The following CD96 variants were observed in gnomAD, a reference collection of about 807,000 sequenced individuals.
CD96 encodes T-cell surface protein tactile.
In CD96, 70 loss-of-function variants were observed where a neutral mutation model predicts 71.3. The observed-to-expected ratio is 0.98, with a 90% confidence interval of 0.81 to 1.20. CD96 has a LOEUF of 1.20. Among genes scored for constraint, CD96 ranks in the 50% most tolerant of loss-of-function variants. The pLI, the probability that CD96 is intolerant of heterozygous loss-of-function variation, is 0.00. For missense variants in CD96, 742 were observed against 677.5 expected, an observed-to-expected ratio of 1.10 and a Z score of -1.06; for synonymous variants, 248 against 233.0, an observed-to-expected ratio of 1.06 and a Z score of -0.59.
chr3:111,579,632 G>A (rs1289203605), intron 4 of CD96, among the ~76,000 whole-genome samples: 1 of 152,134 alleles, frequency 6.6e-6, no homozygotes, highest in Non-Finnish European at 1.5e-5. Flanking sequence ...TCCCAAGGTG[G>A]CACACGGTAT....
At chr3:111,641,604 A>G (rs1247042146) in intron 12 of CD96, among the ~76,000 whole-genome samples, 1 of 152,254 alleles carries the variant, frequency 6.6e-6, no homozygotes, top group Non-Finnish European at 1.5e-5. Context: ...ACCAAAAATC[A>G]ACAAAGAAAC....
chr3:111,551,614 A>C (rs1247775842), intron 2 of CD96, among the ~76,000 whole-genome samples: 2 of 152,058 alleles, frequency 1.3e-5, no homozygotes, highest in Non-Finnish European at 2.9e-5. Context: ...GGTTTGTTAT[A>C]TAGGTAAATG....
chr3:111,619,909 T>C (rs1232501869), intron 8 of CD96, among the ~76,000 whole-genome samples: 1 of 152,214 alleles, frequency 6.6e-6, no homozygotes. Context: ...CCTGCTGCTT[T>C]TGTCTTGGAT....
At chr3:111,573,167 A>G (rs1936065069) in intron 3 of CD96, among the ~76,000 whole-genome samples, 1 of 152,208 alleles carries the variant, frequency 6.6e-6, no homozygotes, top group South Asian at 2.1e-4. Flanking sequence ...ATTGGGACAT[A>G]AGCATATAGT....
intron 2 of CD96, among the ~76,000 whole-genome samples, chr3:111,553,787 T>A (rs374987078): frequency 6.6e-6 from 1 of 152,018 alleles, no homozygotes; most frequent in East Asian, 1.9e-4. Context: ...GTATCATGAA[T>A]TTATATGAAC....
rs143090155 is a variant in CD96 at position 111,591,008 on chromosome 3, T to C, written c.807+5630T>C. 5.0e-3 allele frequency among the ~76,000 whole-genome samples: 757 copies of C among 152,228 alleles called. 9 individuals are homozygous for C. Among genetic ancestry groups the C allele is most frequent in the African/African-American group, 0.017 (717 of 41,540 alleles). On this transcript the variant is annotated intron_variant, in intron 5 of 13. Transcript: ENST00000352690. ...AAAGAAAATTATCTGTCATGAAACA[T>C]AGGAAACAAAAGCAGTTTGGGGTTA... is the stretch of plus-strand genomic sequence containing the variant.
chr3:111,569,745 G>A (rs143542240), intron 3 of CD96, among the ~76,000 whole-genome samples: 154 of 152,226 alleles, frequency 1.0e-3, no homozygotes, highest in African/African-American at 3.5e-3. Context: ...ATGTGAGTCT[G>A]AGCTTCTCCT....
chr3:111,616,043 A>G (rs1938217494), intron 8 of CD96, among the ~76,000 whole-genome samples: 1 of 152,018 alleles, frequency 6.6e-6, no homozygotes, highest in Non-Finnish European at 1.5e-5. Flanking sequence ...CATGACCATC[A>G]TATTTTAAAT....
rs148178826 is a variant in CD96, at chr3:111,658,221, A to G, written c.*53-7306A>G. On this transcript the variant is annotated intron_variant and NMD_transcript_variant, in intron 14 of 14. Coordinates refer to the CD96 transcript ENST00000494798. ...GTCAGTTTGAAAGGACTCCCACTGT[A>G]TACATCTAGGAAAATTTGACTATCG... Among the ~76,000 whole-genome samples, 43 of 152,318 alleles carry G rather than the reference A, an allele frequency of 2.8e-4. 1 individual carries two copies. In the East Asian group the frequency reaches 7.7e-3, roughly 27 times the overall value.
intron 2 of CD96, among the ~76,000 whole-genome samples, chr3:111,565,690 G>A (rs1015508490): frequency 1.3e-5 from 2 of 151,900 alleles, no homozygotes; most frequent in Admixed American, 6.6e-5. Context: ...TTCTCCTTAA[G>A]GGACAGGGGT....
At chr3:111,594,232 T>C in intron 5 of CD96, 1 of 1,528,902 alleles carries the variant, frequency 6.5e-7, no homozygotes, top group South Asian at 1.3e-5. Flanking sequence ...CTTTATGATG[T>C]GCTTAGATGT....
At chr3:111,551,297 G>T (rs76144788) in intron 2 of CD96, among the ~76,000 whole-genome samples, 1,908 of 152,190 alleles carry the variant, frequency 0.013, 40 homozygotes, top group African/African-American at 0.042. Context: ...GATGACAGTG[G>T]GAAGAACTGA....
intron 5 of CD96, among the ~76,000 whole-genome samples, chr3:111,589,462 A>G (rs1936872469): frequency 1.3e-5 from 2 of 152,222 alleles, no homozygotes; most frequent in Non-Finnish European, 2.9e-5. Flanking sequence ...TCCTTCCTAG[A>G]GAATTAGTGA....
chr3:111,563,740 C>G (rs1397715236), intron 2 of CD96, among the ~76,000 whole-genome samples: 1 of 152,088 alleles, frequency 6.6e-6, no homozygotes, highest in Non-Finnish European at 1.5e-5. Context: ...ATCACTATTC[C>G]CTTTGTTGTA....
intron 5 of CD96, among the ~76,000 whole-genome samples, chr3:111,585,709 G>A (rs889945782): frequency 6.6e-6 from 1 of 152,174 alleles, no homozygotes; most frequent in African/African-American, 2.4e-5. Context: ...GTGAGCCCTG[G>A]TGTAAGAAGG....
chr3:111,611,201 G>A (rs1937910962), intron 8 of CD96, among the ~76,000 whole-genome samples: 1 of 152,108 alleles, frequency 6.6e-6, no homozygotes, highest in Admixed American at 6.5e-5. Flanking sequence ...TGGATACTTA[G>A]AGTAAAACAC....
At chr3:111,585,260 A>T (rs1490572805) in intron 4 of CD96, 63 bp from the exon 5 acceptor site, 3 of 903,340 alleles carry the variant, frequency 3.3e-6, no homozygotes, top group Non-Finnish European at 3.8e-6. Context: ...ACACACATAC[A>T]CACACTAGTG....
At chr3:111,570,555 G>T in intron 3 of CD96, 1 of 1,330,654 alleles carries the variant, frequency 7.5e-7, no homozygotes, top group Non-Finnish European at 1.0e-6. Flanking sequence ...GGCCTGGCCA[G>T]ACATCAGGGG....
chr3:111,565,278 G>C (rs145929377), intron 2 of CD96, among the ~76,000 whole-genome samples: 1 of 152,084 alleles, frequency 6.6e-6, no homozygotes, highest in South Asian at 2.1e-4. Flanking sequence ...AATTAAGAGG[G>C]ATGTGTTGTT....
Sources: gnomAD v4.1 joint callset for allele counts (sites outside exome capture counted in the v4.1 genomes callset) on GRCh38, gnomAD v4.1.1 for gene constraint, MANE v1.5 for transcripts, NCBI Gene and HGNC (gene_info 2026-07-23, HGNC 2026-07-21) for gene names.